TTN: variants seen among roughly 807,000 people sequenced by gnomAD.
The protein encoded by TTN is connectin.
A neutral mutation model predicts 3,223.0 loss-of-function variants in TTN; 1,525 were observed. That is an observed-to-expected ratio of 0.47 (90% confidence interval 0.45 to 0.49). The LOEUF is 0.49. TTN is among the 20% of genes least tolerant of loss of function. TTN has a pLI of 0.00. For synonymous variants in TTN, 14,094 were observed against 15,161.0 expected (o/e 0.93, Z 5.17); for missense variants, 40,786 against 43,424.0 (o/e 0.94, Z 5.40).
chr2:178,713,031 A>T, intron 93 of TTN, 54 bp downstream of exon 93: 1 of 1,605,254 alleles, frequency 6.2e-7, no homozygotes. Flanking sequence ...TGTTATGACA[A>T]ACATGCTTAA....
In TTN at chr2:178,615,459, A is replaced by G. The variant is rs533154222; in HGVS notation, c.48486T>C (p.Val16162=). Reference sequence around the variant, plus strand: ...TATTGGCTGTTCGATCTCTCCATTTAACATTCTCTGGTGGGTCAGGTACCG... The same window carrying G: ...TATTGGCTGTTCGATCTCTCCATTTGACATTCTCTGGTGGGTCAGGTACCG... The part of the protein sequence containing the change: ...PATVPDPPEN[V]KWRDRTANSI... Residue 16162 remains valine, a synonymous_variant, in exon 259 of 363, where the codon GTT becomes GTC. Transcript: ENST00000589042. 2 of 1,612,246 alleles carry G rather than the reference A, an allele frequency of 1.2e-6. No homozygotes were observed. The highest frequency in any genetic ancestry group is 2.2e-5 in the South Asian group (2 of 90,936).
At position 178,541,330 on chromosome 2, in the gene TTN, C is replaced by A; in HGVS notation, c.97747G>T (p.Gly32583Trp). Reference protein sequence around the residue: ...RVTAINARGSGKPSRPSKPIV... With the variant: ...RVTAINARGSWKPSRPSKPIV... ...GGTTTGGAAGGACGACTTGGTTTCC[C>A]AGACCCTCTTGCATTAATGGCTGTG... Residue 32583 changes from glycine to tryptophan, a missense_variant, in exon 350 of 363, where the codon GGG (glycine) becomes TGG (tryptophan). By Grantham distance (184) the Gly-to-Trp change is radical (BLOSUM62 -2). Transcript: ENST00000589042. 1 of 1,565,708 alleles carries A rather than the reference C, an allele frequency of 6.4e-7. No individual in the cohort carries two copies. Among genetic ancestry groups the A allele is most frequent in the East Asian group, 2.3e-5 (1 of 42,802 alleles).
chr2:178,620,164 G>A (rs938950178), intron 248 of TTN, 52 bp from the exon 249 acceptor site: 28 of 1,588,654 alleles, frequency 1.8e-5, no homozygotes, highest in Admixed American at 3.6e-5. Flanking sequence ...CCACTAAATT[G>A]TCAAAAGTGT....
chr2:178,676,159 A>T (rs1354643730), intron 147 of TTN, 164 bp from the exon 148 acceptor site: 1 of 606,780 alleles, frequency 1.6e-6, no homozygotes, highest in Admixed American at 3.0e-5. Context: ...GGATTTGTAA[A>T]GCAAGGGACC....
rs1289613235 is a variant in TTN, at chr2:178,534,671, A to G, written c.101944T>C (p.Tyr33982His). The change falls in exon 358 of 363, where the codon TAT becomes CAT. Residue 33982 changes from tyrosine to histidine, a missense_variant. Physicochemically the swap from Tyr to His is moderately conservative, Grantham distance 83. Coordinates refer to ENST00000589042, the MANE Select transcript of TTN (RefSeq NM_001267550.2). ...TCATGCTGGTGGACTTCAGGTGCAT[A>G]GTATTCTGGGGCAGTGAATAGAAGC... ...FRLLFTAPEY[Y>H]APEVHQHDVV... The G allele has an allele frequency of 1.2e-6, 2 of 1,613,812 alleles. No individual in the cohort carries two copies. Among genetic ancestry groups the G allele is most frequent in the Non-Finnish European group, 8.5e-7 (1 of 1,179,784 alleles).
In TTN at chr2:178,736,079, A is replaced by G. The variant is rs777354747; in HGVS notation, c.14372-5T>C. 13 of 1,545,550 alleles carry G rather than the reference A, an allele frequency of 8.4e-6. No individual in the cohort carries two copies. In the South Asian group the frequency reaches 1.6e-4, roughly 20 times the overall value. On this transcript the variant is annotated splice_polypyrimidine_tract_variant and splice_region_variant and intron_variant, in intron 49 of 362. Coordinates refer to ENST00000589042, the MANE Select transcript of TTN (RefSeq NM_001267550.2). ...GAAAGGTTGGTGGATATGCCTCTGC[A>G]AAAGAAATTTTTCCAGCATTACATT...
rs762408700 is a variant in TTN at position 178,590,650 on chromosome 2, T to C, written c.61075A>G (p.Ser20359Gly). ...CGGCAAGCTTTTATTGGATCAGAAC[T>C]TGGGGATGGTTTGCTTAGTCCTGCA... ...NLAGLSKPSP[S>G]SDPIKACRPI... is the part of the protein sequence containing the mutation. Residue 20359 changes from serine (S) to glycine (G), a missense_variant, in exon 304 of 363, where the codon AGT (serine) becomes GGT (glycine). Physicochemically the swap from Ser to Gly is moderately conservative, Grantham distance 56 (BLOSUM62 0). Transcript: ENST00000589042. 14 of 1,613,092 alleles carry C rather than the reference T, an allele frequency of 8.7e-6. No homozygotes were observed. Among genetic ancestry groups the C allele is most frequent in the Non-Finnish European group, 1.1e-5 (13 of 1,179,432 alleles).
chr2:178,722,607 G>T (rs747465110), intron 76 of TTN, 52 bp downstream of exon 76: 24 of 1,592,032 alleles, frequency 1.5e-5, no homozygotes, highest in Non-Finnish European at 2.1e-5. Context: ...TCACCATAAA[G>T]ATACAAGAGT....
Position 178,745,870 on chromosome 2 carries a change from CA to C in TTN, c.11312-3950del, listed in dbSNP as rs774991940. ...CTTTGATAAACCTGGGAGGCCCTTC[CA>C]CCACCTGAAATTCAAAAAAACTGTC... On this transcript the variant is annotated intron_variant, in intron 47 of 362. Coordinates refer to ENST00000589042, the MANE Select transcript of TTN (RefSeq NM_001267550.2). 8.1e-6 allele frequency: 13 copies of C among 1,612,500 alleles called. No individual in the cohort carries two copies. The highest frequency in any genetic ancestry group is 1.3e-5 in the African/African-American group (1 of 74,818).
At position 178,558,098 on chromosome 2, in the gene TTN, T is replaced by C; in HGVS notation, c.87256A>G (p.Lys29086Glu). 6.2e-7 allele frequency: 1 copy of C among 1,613,910 alleles called. No individual in the cohort carries two copies. Among genetic ancestry groups the C allele is most frequent in the Non-Finnish European group, 8.5e-7 (1 of 1,179,834 alleles). ...TCGGTATTAAATCTCATGGTTGCCTTAAGGGGGACACCATCTCTTGATAAG... is the reference window on the plus strand; with the variant it reads ...TCGGTATTAAATCTCATGGTTGCCTCAAGGGGGACACCATCTCTTGATAAG... ...VTLSRDGVPL[K>E]ATMRFNTEIT... Residue 29086 changes from lysine (K) to glutamate (E), a missense_variant, in exon 328 of 363, where the codon AAG becomes GAG. Coordinates refer to ENST00000589042, the MANE Select transcript of TTN (RefSeq NM_001267550.2).
At position 178,572,779 on chromosome 2, in the gene TTN, G is replaced by A. The variant is rs866465503; in HGVS notation, c.73353C>T (p.Pro24451=). The change falls in exon 326 of 363, where the codon CCC becomes CCT. Residue 24451 remains proline (P), a synonymous_variant. Transcript: ENST00000589042. ...RACCTLRLFV[P]IKGRPAPEVK... ...CCTCAGGTGCAGGCCTTCCTTTGAT[G>A]GGAACAAAAAGTCTCAGGGTGCAGC... The A allele has an allele frequency of 6.2e-7, 1 of 1,613,436 alleles. No homozygotes were observed. Among genetic ancestry groups the A allele is most frequent in the Non-Finnish European group, 8.5e-7 (1 of 1,179,588 alleles).
intron 257 of TTN, among the ~76,000 whole-genome samples, chr2:178,616,211 C>T (rs995147791): frequency 4.0e-5 from 6 of 151,702 alleles, no homozygotes; most frequent in African/African-American, 1.5e-4. Context: ...ATATTGGGTA[C>T]TTAGCAGGTA....
At chr2:178,667,552 T>G (rs1387563053) in intron 160 of TTN, 27 bp from the exon 161 acceptor site, 2 of 1,583,076 alleles carry the variant, frequency 1.3e-6, no homozygotes, top group African/African-American at 1.4e-5. Context: ...ATAGTTATAT[T>G]TATAAATGGT....
At chr2:178,624,886 A>AT (rs2058801761) in intron 241 of TTN, among the ~76,000 whole-genome samples, 155 bp from the exon 242 acceptor site, 2 of 151,990 alleles carry the variant, frequency 1.3e-5, no homozygotes. Flanking sequence ...TCTAAAAATG[A>AT]TATTTTATCA....
intron 157 of TTN, 92 bp downstream of exon 157, chr2:178,670,126 T>A: frequency 1.3e-6 from 1 of 758,080 alleles, no homozygotes; most frequent in Non-Finnish European, 1.9e-6. Flanking sequence ...TTCATAGCCA[T>A]CTTGTGGCAT....
chr2:178,778,531 C>T (rs1041275806), intron 24 of TTN: 2 of 344,504 alleles, frequency 5.8e-6, no homozygotes, highest in East Asian at 7.3e-5. Flanking sequence ...CATAGATTCC[C>T]AGGGCCTCAG....
rs758406122 is a variant in TTN at position 178,580,543 on chromosome 2, A to C, written c.66836T>G (p.Met22279Arg). 5.6e-6 allele frequency: 9 copies of C among 1,612,794 alleles called. No homozygotes were observed. In the Middle Eastern group the frequency reaches 9.9e-4, roughly 178 times the overall value. Residue 22279 changes from methionine (M) to arginine (R), a missense_variant, in exon 317 of 363, where the codon ATG becomes AGG. Transcript: ENST00000589042. The stretch of plus-strand genomic sequence containing the variant: ...TCCTTTTACTGGTACATATAGTCTC[A>C]TAGTAACTCCAGCACGTAATATGAG... ...KTLILRAGVT[M>R]RLYVPVKGRP... is the part of the protein sequence containing the mutation.
At chr2:178,749,304 C>T in intron 47 of TTN, 1 of 1,611,884 alleles carries the variant, frequency 6.2e-7, no homozygotes, top group Non-Finnish European at 8.5e-7. Flanking sequence ...TTTTCACTTA[C>T]ATGTCTCTCT....
Position 178,740,471 on chromosome 2 carries a change from C to T in TTN, c.12762G>A (p.Lys4254=), listed in dbSNP as rs372524612. The part of the protein sequence containing the change: ...TNREQRVTLQ[K]QEAQSALILS... Reference sequence around the variant, plus strand: ...AGATGAGCGCACTTTGTGCCTCTTGCTTTTGAAGAGTCACTCTTTGCTCTC... The same window carrying T: ...AGATGAGCGCACTTTGTGCCTCTTGTTTTTGAAGAGTCACTCTTTGCTCTC... Residue 4254 remains lysine, a synonymous_variant, in exon 48 of 363, where the codon AAG becomes AAA. Coordinates refer to ENST00000589042, the MANE Select transcript of TTN (RefSeq NM_001267550.2). 7 of 1,613,570 alleles carry T rather than the reference C, an allele frequency of 4.3e-6. No individual in the cohort carries two copies. Among genetic ancestry groups the T allele is most frequent in the Admixed American group, 3.3e-5 (2 of 59,976 alleles).
Sources: allele counts gnomAD v4.1 joint callset (sites outside exome capture counted in the v4.1 genomes callset), GRCh38; gene constraint gnomAD v4.1.1; transcripts MANE v1.5; gene names NCBI Gene and HGNC (gene_info 2026-07-23, HGNC 2026-07-21).